The following TMEM267 variants were observed in gnomAD, a reference collection of about 807,000 sequenced individuals.
The protein encoded by TMEM267 is transmembrane protein C5orf28.
Under a neutral mutation model 19.3 loss-of-function variants are expected in TMEM267, and 20 were observed. The ratio of observed to expected loss-of-function variants is 1.04; its 90% confidence interval spans 0.73 to 1.51. The LOEUF is 1.51. Ranked by LOEUF, TMEM267 falls within the 40% of genes most tolerant of loss-of-function variation. The pLI, the probability that TMEM267 is intolerant of heterozygous loss-of-function variation, is 0.00. For synonymous variants in TMEM267, 88 were observed against 90.3 expected (o/e 0.97, Z 0.15); for missense variants, 242 against 261.9 (o/e 0.92, Z 0.52).
chr5:43,473,894 A>G (rs1425044367), intron 1 of TMEM267, among the ~76,000 whole-genome samples: 2 of 152,258 alleles, frequency 1.3e-5, no homozygotes, highest in Non-Finnish European at 2.9e-5. Flanking sequence ...CAAAAACAGC[A>G]TGGTACTGGT....
At chr5:43,483,779 GC>G in intron 1 of TMEM267, 42 bp downstream of exon 1, 1 of 152,524 alleles carries the variant, frequency 6.6e-6, no homozygotes, top group Non-Finnish European at 1.5e-5. Context: ...CGTCCACCCG[GC>G]CCCCTCCCCT....
At chr5:43,475,340 AG>A (rs1744349865) in intron 1 of TMEM267, among the ~76,000 whole-genome samples, 1 of 147,272 alleles carries the variant, frequency 6.8e-6, no homozygotes, top group African/African-American at 2.5e-5. Context: ...GGACACAGAG[AG>A]GGTACACAGG....
At chr5:43,447,649 C>A (rs1034413408) in intron 2 of TMEM267, among the ~76,000 whole-genome samples, 4 of 152,024 alleles carry the variant, frequency 2.6e-5, no homozygotes, top group South Asian at 2.1e-4. Context: ...AATCTCAAAC[C>A]CTCAGCATAA....
chr5:43,465,858 G>T (rs905617112), intron 1 of TMEM267, among the ~76,000 whole-genome samples: 3 of 151,760 alleles, frequency 2.0e-5, no homozygotes, highest in African/African-American at 7.3e-5. Context: ...AATGCTAAAT[G>T]ACAAGTTAAT....
intron 1 of TMEM267, among the ~76,000 whole-genome samples, chr5:43,455,930 C>G (rs1242833444): frequency 4.0e-5 from 6 of 151,570 alleles, no homozygotes; most frequent in African/African-American, 9.7e-5. Flanking sequence ...TTACCTCCCA[C>G]GTTTAAGAAG....
At chr5:43,464,497 A>C (rs1165415709) in intron 1 of TMEM267, among the ~76,000 whole-genome samples, 1 of 152,276 alleles carries the variant, frequency 6.6e-6, no homozygotes, top group Non-Finnish European at 1.5e-5. Flanking sequence ...CGCATTACCA[A>C]GTCAATCCTA....
intron 2 of TMEM267, among the ~76,000 whole-genome samples, chr5:43,449,390 A>T (rs984551825): frequency 6.6e-6 from 1 of 152,184 alleles, no homozygotes; most frequent in African/African-American, 2.4e-5. Flanking sequence ...AAGAAACAAC[A>T]TATGTGTAAC....
intron 1 of TMEM267, among the ~76,000 whole-genome samples, chr5:43,480,797 CTTTTTTTT>C (rs869260304): frequency 2.5e-5 from 2 of 79,564 alleles, no homozygotes; most frequent in African/African-American, 1.1e-4. Context: ...AATAATCTTA[CTTTTTTTT>C]TTTTTTTTTT....
intron 1 of TMEM267, among the ~76,000 whole-genome samples, chr5:43,481,954 T>C (rs1278146878): frequency 6.6e-6 from 1 of 152,178 alleles, no homozygotes; most frequent in Non-Finnish European, 1.5e-5. Context: ...GCCATTCTCC[T>C]GCCTCAGCCT....
intron 1 of TMEM267, among the ~76,000 whole-genome samples, chr5:43,462,452 A>T (rs190055677): frequency 6.6e-6 from 1 of 152,190 alleles, no homozygotes; most frequent in African/African-American, 2.4e-5. Context: ...GGCACTAAAG[A>T]CCAATCTTGG....
chr5:43,445,395 T>A lies in TMEM267; in HGVS notation c.*827A>T, dbSNP rs1345046408. On this transcript the variant is annotated 3_prime_UTR_variant, in exon 3 of 3. Coordinates refer to ENST00000397080, the MANE Select transcript of TMEM267 (RefSeq NM_022483.5). ...ATTTGAAATGACATTTCTGGTCTTTTTTTTGCATAAATTCAAATGTTACGG... is the reference window on the plus strand; with the variant it reads ...ATTTGAAATGACATTTCTGGTCTTTATTTTGCATAAATTCAAATGTTACGG... 1.3e-5 allele frequency: 2 copies of A among 152,174 alleles called. No homozygotes were observed. Among genetic ancestry groups the A allele is most frequent in the African/African-American group, 2.4e-5 (1 of 41,468 alleles). 9.4% of individuals were successfully genotyped at this position (152,174 alleles called of 1,614,324 possible).
chr5:43,456,723 G>A (rs1030321325), intron 1 of TMEM267, among the ~76,000 whole-genome samples: 17 of 152,112 alleles, frequency 1.1e-4, no homozygotes, highest in Non-Finnish European at 2.2e-4. Context: ...CTGTTAAATG[G>A]CTAAAATTAA....
chr5:43,463,036 C>T (rs6884864), intron 1 of TMEM267, among the ~76,000 whole-genome samples: 11,691 of 151,860 alleles, frequency 0.077, 783 homozygotes, highest in African/African-American at 0.18. Context: ...ATCGATAGAC[C>T]GCTAGCAAGA....
chr5:43,454,163 T>TA, intron 1 of TMEM267, 120 bp from the exon 2 acceptor site: 1 of 609,668 alleles, frequency 1.6e-6, no homozygotes, highest in Non-Finnish European at 2.7e-6. Context: ...TACTGGCAAC[T>TA]TTTACATGTT....
At chr5:43,455,456 G>A (rs1742890239) in intron 1 of TMEM267, among the ~76,000 whole-genome samples, 1 of 151,766 alleles carries the variant, frequency 6.6e-6, no homozygotes, top group African/African-American at 2.4e-5. Context: ...AAACAGTGTA[G>A]TATTGGTATA....
intron 2 of TMEM267, among the ~76,000 whole-genome samples, chr5:43,449,729 A>G (rs1033430308): frequency 1.3e-5 from 2 of 152,238 alleles, no homozygotes; most frequent in Non-Finnish European, 2.9e-5. Context: ...AATATAAATC[A>G]TAGAACTGAT....
intron 1 of TMEM267, among the ~76,000 whole-genome samples, chr5:43,455,954 G>C (rs944293642): frequency 6.6e-6 from 1 of 150,710 alleles, no homozygotes; most frequent in Non-Finnish European, 1.5e-5. Context: ...TCCTACCTCA[G>C]TCTCTTGAGT....
chr5:43,454,163 T>G lies in TMEM267; in HGVS notation c.-74-120A>C, dbSNP rs1742791544. 5 of 609,672 alleles carry G rather than the reference T, an allele frequency of 8.2e-6. No homozygotes were observed. The East Asian group carries it at 1.5e-4, about 18-fold the overall frequency. 37.8% of individuals were successfully genotyped at this position (609,672 alleles called of 1,614,324 possible). On this transcript the variant is annotated intron_variant, in intron 1 of 2. Coordinates refer to ENST00000397080, the MANE Select transcript of TMEM267 (RefSeq NM_022483.5). Reference sequence around the variant, plus strand: ...AAACCAAGATGTAAATACTGGCAACTTTTACATGTTATATATAATATGTCA... The same window carrying G: ...AAACCAAGATGTAAATACTGGCAACGTTTACATGTTATATATAATATGTCA...
chr5:43,450,509 C>A (rs958031499), intron 2 of TMEM267, among the ~76,000 whole-genome samples: 37 of 152,150 alleles, frequency 2.4e-4, no homozygotes, highest in African/African-American at 8.7e-4. Context: ...TTTATGTGCA[C>A]TATCTCACTT....
Sources: allele counts gnomAD v4.1 joint callset (sites outside exome capture counted in the v4.1 genomes callset), GRCh38; gene constraint gnomAD v4.1.1; transcripts MANE v1.5; gene names NCBI Gene and HGNC (gene_info 2026-07-23, HGNC 2026-07-21).